The following HERC2 variants were observed in gnomAD, a reference collection of about 807,000 sequenced individuals.
The protein encoded by HERC2 is HECT and RLD domain containing E3 ubiquitin protein ligase 2, also known as E3 ubiquitin-protein ligase HERC2.
A neutral mutation model predicts 537.7 loss-of-function variants in HERC2; 102 were observed. The ratio of observed to expected loss-of-function variants is 0.19; its 90% CI spans 0.16 to 0.22. The LOEUF is 0.22. Ranked by LOEUF, HERC2 falls within the 10% of genes least tolerant of loss-of-function variation. HERC2 has a pLI of 1.00. For synonymous variants in HERC2, 2,224 were observed against 2,466.2 expected (o/e 0.90, Z 2.91); for missense variants, 4,236 against 6,198.2 (o/e 0.68, Z 10.63).
rs746962501 is a variant in HERC2, at chr15:28,132,105, T to C, written c.12565A>G (p.Met4189Val). The change falls in exon 81 of 93, where the codon ATG (methionine) becomes GTG (valine). Residue 4189 changes from methionine (M) to valine (V), a missense_variant. Transcript: ENST00000261609. ...RGGSDGCKVP[M>V]KIDSLTGLGV... is the part of the protein sequence containing the mutation. ...AGGGAAAGAATGGGAAATACCTTCA[T>C]AGGCACTTTACAGCCATCGCTGCCT... The C allele has an allele frequency of 8.1e-6, 13 of 1,603,658 alleles. No homozygotes were observed. The highest frequency in any genetic ancestry group is 1.7e-5 in the Admixed American group (1 of 59,462).
chr15:28,317,675 C>T (rs1437050261), intron 2 of HERC2, among the ~76,000 whole-genome samples: 1 of 152,188 alleles, frequency 6.6e-6, no homozygotes, highest in African/African-American at 2.4e-5. Context: ...GCAGGAGAGA[C>T]ATCTTTGTAG....
intron 2 of HERC2, chr15:28,320,036 A>C (rs1192930768): frequency 6.6e-6 from 1 of 152,132 alleles, no homozygotes; most frequent in Admixed American, 6.5e-5. Flanking sequence ...CCCAAAGAGT[A>C]ACTACACCAA....
At position 28,113,675 on chromosome 15, in the gene HERC2, G is replaced by A. The variant is rs779026671; in HGVS notation, c.13917C>T (p.Leu4639=). The A allele has an allele frequency of 8.7e-6, 14 of 1,613,548 alleles. No individual in the cohort carries two copies. The highest frequency in any genetic ancestry group is 6.8e-6 in the Non-Finnish European group (8 of 1,179,514). The part of the protein sequence containing the change: ...EYVRLAINYR[L]HEFDEQVAAV... Reference sequence around the variant, plus strand: ...CAGCCACCTGCTCATCAAATTCATGGAGTCTGGAAGAAAAAGCTCACTTTA... The same window carrying A: ...CAGCCACCTGCTCATCAAATTCATGAAGTCTGGAAGAAAAAGCTCACTTTA... The change falls in exon 91 of 93, where the codon CTC becomes CTT. Residue 4639 remains leucine, a synonymous_variant. Transcript: ENST00000261609. The surrounding 1 kb of genome is among the most constrained non-coding windows in gnomAD (Gnocchi z 7.0).
chr15:28,113,187 C>T lies in HERC2; in HGVS notation c.14116G>A (p.Glu4706Lys), dbSNP rs370552396. 1.2e-6 allele frequency: 2 copies of T among 1,614,118 alleles called. No individual in the cohort carries two copies. The highest frequency in any genetic ancestry group is 1.7e-6 in the Non-Finnish European group (2 of 1,180,034). Residue 4706 changes from glutamate (E) to lysine (K), a missense_variant, in exon 92 of 93, where the codon GAG (glutamate) becomes AAG (lysine). By Grantham distance (56) the Glu-to-Lys change is moderately conservative. Coordinates refer to ENST00000261609, the MANE Select transcript of HERC2 (RefSeq NM_004667.6). The surrounding 1 kb of genome is among the most constrained non-coding windows in gnomAD (Gnocchi z 7.0). Reference protein sequence around the residue: ...PSASLIQWFWEVMESFSNTER... With the variant: ...PSASLIQWFWKVMESFSNTER... ...GTGTTGGAGAAGGACTCCATCACCT[C>T]CCAGAACCACTGGATCAGCGATGCG...
rs753298768 is a variant in HERC2 at position 28,254,444 on chromosome 15, A to G, written c.2946T>C (p.His982=). 12 of 1,608,458 alleles carry G rather than the reference A, an allele frequency of 7.5e-6. No individual in the cohort carries two copies. Among genetic ancestry groups the G allele is most frequent in the African/African-American group, 6.7e-5 (5 of 74,608 alleles). ...CTTTATCCAGTGGAGTCCTGCTTCT[A>G]TGAAATGTTGAGGCATTCGCTTCCT... ...DEQEANASTF[H]RSRTPLDKDL... is the part of the protein sequence containing the mutation. Residue 982 remains histidine (H), a synonymous_variant, in exon 20 of 93, where the codon CAT becomes CAC. Transcript: ENST00000261609.
intron 2 of HERC2, among the ~76,000 whole-genome samples, chr15:28,306,447 T>C (rs3094833): frequency 6.6e-6 from 1 of 152,248 alleles, no homozygotes; most frequent in African/African-American, 2.4e-5. Context: ...AATGATGTTT[T>C]TAATGTGTTG....
intron 83 of HERC2, among the ~76,000 whole-genome samples, chr15:28,128,113 A>G (rs990058444): frequency 6.6e-6 from 1 of 152,214 alleles, no homozygotes; most frequent in African/African-American, 2.4e-5. Context: ...AAAAAATCCA[A>G]ACAGAAGAAT....
chr15:28,254,271 G>A lies in HERC2; in HGVS notation c.3050+69C>T, dbSNP rs149481621. 1.3e-4 allele frequency: 153 copies of A among 1,151,604 alleles called. 1 individual carries two copies. In the East Asian group the frequency reaches 2.0e-3, roughly 15 times the overall value. 71.3% of individuals were successfully genotyped at this position (1,151,604 alleles called of 1,614,324 possible). A position where few individuals can be genotyped will look rare whatever the true frequency, so the allele number is the denominator to read the frequency against. On this transcript the variant is annotated intron_variant, in intron 20 of 92. Coordinates refer to ENST00000261609, the MANE Select transcript of HERC2 (RefSeq NM_004667.6). ...GCACTCCGGCCTGGGCAACAAGAGC[G>A]AACTCTGTCACACACACAAAAAAAA... is the stretch of plus-strand genomic sequence containing the variant.
At chr15:28,112,202 TAGAACTTGG>T (rs1279933610) in intron 92 of HERC2, among the ~76,000 whole-genome samples, 167 bp from the exon 93 acceptor site, 2 of 152,198 alleles carry the variant, frequency 1.3e-5, no homozygotes, top group East Asian at 3.9e-4. Flanking sequence ...AATTAATTCC[TAGAACTTGG>T]AGTAAGAAAC....
Position 28,141,713 on chromosome 15 carries a change from T to C in HERC2, c.11816+18A>G. ...CACACTCACGATCGACATTACTGCT[T>C]GTTTCTAATATAATAACCTGTTCAT... On this transcript the variant is annotated intron_variant, in intron 77 of 92. Coordinates refer to ENST00000261609, the MANE Select transcript of HERC2 (RefSeq NM_004667.6). 1 of 1,612,082 alleles carries C rather than the reference T, an allele frequency of 6.2e-7. No homozygotes were observed. The highest frequency in any genetic ancestry group is 1.1e-5 in the South Asian group (1 of 91,038).
Position 28,263,051 on chromosome 15 carries a change from G to A in HERC2, c.1989C>T (p.Arg663=), listed in dbSNP as rs761862738. The part of the protein sequence containing the change: ...KLQDLDVVKV[R]CGSQFSIALT... The stretch of plus-strand genomic sequence containing the variant: ...AAGCAATGGAAAACTGACTTCCACA[G>A]CGGACTTTGACCACATCCAAGTCTT... Residue 663 remains arginine (R), a synonymous_variant, in exon 15 of 93, where the codon CGC becomes CGT. Transcript: ENST00000261609. The A allele has an allele frequency of 6.2e-7, 1 of 1,614,154 alleles. No individual in the cohort carries two copies. Among genetic ancestry groups the A allele is most frequent in the South Asian group, 1.1e-5 (1 of 91,082 alleles).
intron 2 of HERC2, chr15:28,312,627 T>TA (rs1338535207): frequency 0.011 from 1,800 of 157,392 alleles, no homozygotes; most frequent in African/African-American, 0.046. Context: ...ACCCTATTCA[T>TA]AAAAAAAATA....
chr15:28,255,493 A>T (rs1199521657), intron 19 of HERC2, among the ~76,000 whole-genome samples: 3 of 152,366 alleles, frequency 2.0e-5, no homozygotes, highest in Admixed American at 2.0e-4. Context: ...TCCAAGGCAA[A>T]GCAAGAAAGA....
At chr15:28,127,661 G>A (rs73379641) in intron 83 of HERC2, among the ~76,000 whole-genome samples, 3,746 of 152,260 alleles carry the variant, frequency 0.025, 146 homozygotes, top group African/African-American at 0.085. Context: ...GCTCCTTGGA[G>A]AAATGGCCAG....
Position 28,228,314 on chromosome 15 carries a change from G to A in HERC2, c.5368C>T (p.Leu1790Phe). The A allele has an allele frequency of 6.2e-7, 1 of 1,612,636 alleles. No individual in the cohort carries two copies. The highest frequency in any genetic ancestry group is 2.2e-5 in the East Asian group (1 of 44,882). ...IPQARFLLVM[L>F]SMLTLQHGAN... ...CCGTGCTGCAGGGTGAGCATGCTGA[G>A]CATCACCAGGAGGAAGCGGGCTTGC... Residue 1790 changes from leucine (L) to phenylalanine (F), a missense_variant, in exon 35 of 93, where the codon CTC becomes TTC. Around this residue, in one of 27 missense-constraint regions of HERC2, gnomAD observed 343 missense variants for 417.2 expected, o/e 0.82. Coordinates refer to ENST00000261609, the MANE Select transcript of HERC2 (RefSeq NM_004667.6).
intron 83 of HERC2, among the ~76,000 whole-genome samples, chr15:28,129,548 C>T (rs1014140192): frequency 5.9e-5 from 9 of 152,218 alleles, no homozygotes; most frequent in Non-Finnish European, 2.9e-5. Context: ...ACCTAGGGAA[C>T]AGGGGATCCC....
At chr15:28,195,040 A>G (rs868346750) in intron 52 of HERC2, among the ~76,000 whole-genome samples, 2 of 151,630 alleles carry the variant, frequency 1.3e-5, no homozygotes, top group South Asian at 2.1e-4. Flanking sequence ...TGGGCAACAG[A>G]GTGAGACTCC....
At chr15:28,220,380 G>T in intron 37 of HERC2, 72 bp downstream of exon 37, 3 of 1,353,070 alleles carry the variant, frequency 2.2e-6, no homozygotes, top group South Asian at 1.2e-5. Context: ...AGGCCCAGAT[G>T]ACAGTGGTGG....
intron 59 of HERC2, among the ~76,000 whole-genome samples, chr15:28,178,515 C>T (rs1466971996): frequency 1.3e-5 from 2 of 152,302 alleles, no homozygotes; most frequent in South Asian, 2.1e-4. Flanking sequence ...TGAATTAGAA[C>T]TTTGTGTCTA....
Sources: allele counts gnomAD v4.1 joint callset (sites outside exome capture counted in the v4.1 genomes callset), GRCh38; gene constraint gnomAD v4.1.1; regional missense constraint gnomAD v4.1.1; non-coding constraint Gnocchi (gnomAD v3.1); transcripts MANE v1.5; gene names NCBI Gene and HGNC (gene_info 2026-07-23, HGNC 2026-07-21).